PCM1: variants seen among roughly 807,000 people sequenced by gnomAD.
PCM1 encodes pericentriolar material 1 protein.
In PCM1, 157 loss-of-function variants were observed where a neutral mutation model predicts 241.9. The observed-to-expected ratio is 0.65, with a 90% CI of 0.57 to 0.74. The LOEUF is 0.74. Ranked by LOEUF, PCM1 falls within the 30% of genes least tolerant of loss-of-function variation. PCM1 has a pLI of 0.00. For missense variants in PCM1, 3,478 were observed against 2,360.1 expected (o/e 1.47, Z -9.81); for synonymous variants, 1,085 against 784.9 (o/e 1.38, Z -6.39).
rs1324394560 is a variant in PCM1 at position 18,027,712 on chromosome 8, T to C, written c.*50T>C. ...TCTGTCCTTACATACTCAATGCATATATGAAAACAATACTAAATAAACATC... is the reference window on the plus strand; with the variant it reads ...TCTGTCCTTACATACTCAATGCATACATGAAAACAATACTAAATAAACATC... On this transcript the variant is annotated 3_prime_UTR_variant, in exon 39 of 39. Transcript: ENST00000325083. 7.5e-7 allele frequency: 1 copy of C among 1,338,688 alleles called. No individual in the cohort carries two copies. Among genetic ancestry groups the C allele is most frequent in the East Asian group, 2.3e-5 (1 of 43,078 alleles). 82.9% of individuals were successfully genotyped at this position (1,338,688 alleles called of 1,614,324 possible).
At chr8:18,022,891 A>G (rs895434437) in intron 36 of PCM1, among the ~76,000 whole-genome samples, 3 of 152,244 alleles carry the variant, frequency 2.0e-5, no homozygotes, top group African/African-American at 7.2e-5. Flanking sequence ...TTCACTGTAT[A>G]CAATAGGGTT....
rs1278233644 is a variant in PCM1, at chr8:18,011,196, G to A, written c.5221-41G>A. The A allele has an allele frequency of 2.0e-6, 3 of 1,464,252 alleles. No individual in the cohort carries two copies. The South Asian group carries it at 4.0e-5, about 19-fold the overall frequency. 90.7% of individuals were successfully genotyped at this position (1,464,252 alleles called of 1,614,324 possible). A position where few individuals can be genotyped will look rare whatever the true frequency, so the allele number is the denominator to read the frequency against. The stretch of plus-strand genomic sequence containing the variant: ...GACTTACTATATACCTTTTACACAT[G>A]TACTTTAAGGAATTAATTACTCAAA... On this transcript the variant is annotated intron_variant, in intron 32 of 38. Transcript: ENST00000325083.
At chr8:17,986,636 C>A (rs1459120734) in intron 26 of PCM1, among the ~76,000 whole-genome samples, 1 of 151,670 alleles carries the variant, frequency 6.6e-6, no homozygotes, top group African/African-American at 2.4e-5. Context: ...GCTGTGTCCT[C>A]CAAATAGCAC....
At position 18,004,261 on chromosome 8, in the gene PCM1, T is replaced by C. The variant is rs116726764; in HGVS notation, c.4828-2002T>C. ...TGTGAAATGTTTAAAAAGTCTTGAA[T>C]TTAAAAGAATTACATTTTTTAAAGT... is the stretch of plus-strand genomic sequence containing the variant. On this transcript the variant is annotated intron_variant, in intron 29 of 38. Transcript: ENST00000325083. Among the ~76,000 whole-genome samples, 695 of 152,316 alleles carry C rather than the reference T, an allele frequency of 4.6e-3. 7 individuals are homozygous for C. The highest frequency in any genetic ancestry group is 0.016 in the African/African-American group (666 of 41,588).
chr8:18,005,816 A>G (rs1193668209), intron 29 of PCM1, among the ~76,000 whole-genome samples: 1 of 152,174 alleles, frequency 6.6e-6, no homozygotes, highest in Non-Finnish European at 1.5e-5. Context: ...ATATCCTACA[A>G]TGCACAGGAT....
chr8:17,957,641 G>A lies in PCM1; in HGVS notation c.1906G>A (p.Ala636Thr), dbSNP rs1165403346. The A allele has an allele frequency of 6.3e-7, 1 of 1,593,816 alleles. No individual in the cohort carries two copies. The highest frequency in any genetic ancestry group is 1.1e-5 in the South Asian group (1 of 89,034). ...AGCAGAAGAGGAGGGAGTCAGTGGA[G>A]CTTCATTATCTAGTCACAGGAGCAG... ...EEAEEEGVSG[A>T]SLSSHRSSLV... Residue 636 changes from alanine (A) to threonine (T), a missense_variant, in exon 13 of 39, where the codon GCT becomes ACT. By Grantham distance (58) the Ala-to-Thr change is moderately conservative. Coordinates refer to ENST00000325083, the MANE Select transcript of PCM1 (RefSeq NM_006197.4).
Position 17,928,309 on chromosome 8 carries a change from C to T in PCM1, c.-23+3529C>T, listed in dbSNP as rs1052991855. 6.0e-4 allele frequency among the ~76,000 whole-genome samples: 91 copies of T among 152,288 alleles called. 1 individual carries two copies. Among genetic ancestry groups the T allele is most frequent in the African/African-American group, 2.2e-3 (90 of 41,552 alleles). ...TTCCCTGAGTCCGTAGTGCTGCCCA[C>T]GGTCATTCTCCATTCCCTACTTTTC... is the stretch of plus-strand genomic sequence containing the variant. On this transcript the variant is annotated intron_variant, in intron 2 of 38. Coordinates refer to ENST00000325083, the MANE Select transcript of PCM1 (RefSeq NM_006197.4).
At chr8:17,947,756 G>A (rs1032100785) in intron 7 of PCM1, among the ~76,000 whole-genome samples, 5 of 152,136 alleles carry the variant, frequency 3.3e-5, no homozygotes, top group Non-Finnish European at 7.4e-5. Context: ...CCTTAAGTGA[G>A]GCAGTGAGTA....
At chr8:18,005,744 C>A (rs538682716) in intron 29 of PCM1, among the ~76,000 whole-genome samples, 1 of 151,924 alleles carries the variant, frequency 6.6e-6, no homozygotes, top group South Asian at 2.1e-4. Flanking sequence ...TTTTAGTTGT[C>A]GAGGTGGTGT....
chr8:18,020,814 G>GTGAGTGATGTGAGTGATGT (rs2093690343), intron 36 of PCM1, among the ~76,000 whole-genome samples: 1 of 152,136 alleles, frequency 6.6e-6, no homozygotes, highest in Non-Finnish European at 1.5e-5. Context: ...GTATGCCTTT[G>GTGAGTGATGTGAGTGATGT]GAGTGAGTGA....
At chr8:18,011,390 TCTTTATA>T (rs757595275) in intron 33 of PCM1, 24 bp downstream of exon 33, 16 of 1,514,286 alleles carry the variant, frequency 1.1e-5, no homozygotes, top group Non-Finnish European at 1.4e-5. Context: ...CTCTGTACTA[TCTTTATA>T]CTTTAGTTTT....
intron 36 of PCM1, among the ~76,000 whole-genome samples, chr8:18,018,708 G>T (rs1366615203): frequency 6.6e-6 from 1 of 151,324 alleles, no homozygotes; most frequent in African/African-American, 2.4e-5. Flanking sequence ...CTACTCAGGA[G>T]ACTGAGGCAG....
chr8:18,020,754 CTT>C (rs1302147611), intron 36 of PCM1, among the ~76,000 whole-genome samples: 1 of 152,196 alleles, frequency 6.6e-6, no homozygotes, highest in Non-Finnish European at 1.5e-5. Flanking sequence ...TGATCTAAGA[CTT>C]AACCATATAG....
chr8:17,974,899 AAGGCTTGAT>A, intron 23 of PCM1, among the ~76,000 whole-genome samples: 1 of 152,062 alleles, frequency 6.6e-6, no homozygotes, highest in South Asian at 2.1e-4. Flanking sequence ...ACACAAATAA[AAGGCTTGAT>A]AGCAGAATCA....
rs2084742485 is a variant in PCM1 at position 17,991,813 on chromosome 8, A to G, written c.4690+113A>G. ...TTGGTGCACCCATCGCCTGAGCAGTATACACTGTACCCAGTGTGTATTGTT... is the reference window on the plus strand; with the variant it reads ...TTGGTGCACCCATCGCCTGAGCAGTGTACACTGTACCCAGTGTGTATTGTT... On this transcript the variant is annotated intron_variant, in intron 28 of 38. Coordinates refer to ENST00000325083, the MANE Select transcript of PCM1 (RefSeq NM_006197.4). The G allele has an allele frequency of 7.0e-6, 5 of 718,244 alleles. No homozygotes were observed. In the Admixed American group the frequency reaches 1.1e-4, roughly 15 times the overall value. 44.5% of individuals were successfully genotyped at this position (718,244 alleles called of 1,614,324 possible).
intron 34 of PCM1, chr8:18,013,721 C>T (rs1483512189): frequency 1.5e-5 from 6 of 395,372 alleles, no homozygotes; most frequent in Non-Finnish European, 2.7e-5. Flanking sequence ...ATGAACAGTG[C>T]AGTCTGTTCG....
In PCM1 at chr8:17,963,164, C is replaced by G; in HGVS notation, c.2527C>G (p.Leu843Val). 6.2e-7 allele frequency: 1 copy of G among 1,613,630 alleles called. No individual in the cohort carries two copies. Among genetic ancestry groups the G allele is most frequent in the Non-Finnish European group, 8.5e-7 (1 of 1,179,690 alleles). ...REELRQRRKQ[L>V]EALMAEHQRR... ...GGAGCTGCGACAGAGAAGAAAGCAG[C>G]TTGAAGCTCTGATGGCTGAACATCA... The change falls in exon 17 of 39, where the codon CTT (leucine) becomes GTT (valine). Residue 843 changes from leucine (L) to valine (V), a missense_variant. Coordinates refer to ENST00000325083, the MANE Select transcript of PCM1 (RefSeq NM_006197.4).
intron 30 of PCM1, among the ~76,000 whole-genome samples, chr8:18,007,648 A>G (rs753326732): frequency 7.9e-5 from 12 of 152,200 alleles, no homozygotes; most frequent in African/African-American, 2.9e-4. Flanking sequence ...TTTTCACAAG[A>G]GGACATACAT....
At chr8:18,013,472 C>T (rs909263924) in intron 34 of PCM1, among the ~76,000 whole-genome samples, 4 of 152,142 alleles carry the variant, frequency 2.6e-5, no homozygotes, top group South Asian at 2.1e-4. Flanking sequence ...AGAGAACCTA[C>T]GTAGGCACAT....
Sources: gnomAD v4.1 joint callset for allele counts (sites outside exome capture counted in the v4.1 genomes callset) on GRCh38, gnomAD v4.1.1 for gene constraint, MANE v1.5 for transcripts, NCBI Gene and HGNC (gene_info 2026-07-23, HGNC 2026-07-21) for gene names.